The following PKP4 variants were observed in gnomAD, a reference collection of about 807,000 sequenced individuals.
PKP4 encodes plakophilin-4.
In PKP4, 90 loss-of-function variants were observed where a neutral mutation model predicts 145.1. That is an observed-to-expected ratio of 0.62 (90% CI 0.52 to 0.74). The LOEUF (loss-of-function observed/expected upper bound fraction) is 0.74, where lower values mean the gene tolerates loss of function less well. Among genes scored for constraint, PKP4 ranks in the 30% least tolerant of loss-of-function variants. The pLI, the probability that PKP4 is intolerant of heterozygous loss-of-function variation, is 0.00. For missense variants in PKP4, 1,340 were observed against 1,482.7 expected, an observed-to-expected ratio of 0.90 and a Z score of 1.58; for synonymous variants, 563 against 577.2, an observed-to-expected ratio of 0.98 and a Z score of 0.35.
intron 2 of PKP4, among the ~76,000 whole-genome samples, chr2:158,554,448 CGGA>C (rs1378444388): frequency 1.5e-5 from 2 of 136,662 alleles, no homozygotes; most frequent in East Asian, 4.6e-4. Flanking sequence ...TTTTTTGAGA[CGGA>C]GTCTAGCTCT....
chr2:158,538,036 G>A (rs956980571), intron 2 of PKP4, among the ~76,000 whole-genome samples: 4 of 152,044 alleles, frequency 2.6e-5, no homozygotes, highest in African/African-American at 7.2e-5. Flanking sequence ...AAAGAAAAAT[G>A]TGGTGCCCTC....
At chr2:158,568,346 A>C (rs1341770321) in intron 2 of PKP4, among the ~76,000 whole-genome samples, 4 of 152,144 alleles carry the variant, frequency 2.6e-5, no homozygotes, top group African/African-American at 2.4e-5. Flanking sequence ...CTACGAAAGA[A>C]AGAAAAACAC....
chr2:158,643,807 C>T (rs1393799927), intron 11 of PKP4, among the ~76,000 whole-genome samples: 2 of 152,030 alleles, frequency 1.3e-5, no homozygotes, highest in Non-Finnish European at 2.9e-5. Context: ...GCTCTGTCAC[C>T]CAGGCTGGGA....
chr2:158,587,267 A>G (rs2048880648), intron 3 of PKP4, among the ~76,000 whole-genome samples: 1 of 152,134 alleles, frequency 6.6e-6, no homozygotes, highest in Admixed American at 6.5e-5. Context: ...TAAAATATGT[A>G]TATCATGCCA....
chr2:158,463,551 T>C (rs1690115428), intron 1 of PKP4, among the ~76,000 whole-genome samples: 1 of 152,184 alleles, frequency 6.6e-6, no homozygotes, highest in Non-Finnish European at 1.5e-5. Flanking sequence ...AGGCTCTAGT[T>C]CTAGTCCTGG....
intron 8 of PKP4, chr2:158,632,571 A>G (rs1034778296): frequency 5.9e-5 from 9 of 152,100 alleles, no homozygotes; most frequent in African/African-American, 2.2e-4. Flanking sequence ...GCTGTAGCCC[A>G]TGGTGGTGTG....
chr2:158,638,211 A>C (rs1244587065), intron 9 of PKP4, among the ~76,000 whole-genome samples: 1 of 152,232 alleles, frequency 6.6e-6, no homozygotes, highest in African/African-American at 2.4e-5. Flanking sequence ...GTTACCAGGA[A>C]TTCATCTATT....
At chr2:158,603,216 C>A in intron 4 of PKP4, 112 bp downstream of exon 4, 1 of 559,244 alleles carries the variant, frequency 1.8e-6, no homozygotes, top group Non-Finnish European at 3.2e-6. Context: ...TTAATAGTGA[C>A]AATATTGCGC....
At chr2:158,494,309 AT>A (rs1225437863) in intron 1 of PKP4, among the ~76,000 whole-genome samples, 2 of 152,170 alleles carry the variant, frequency 1.3e-5, no homozygotes, top group African/African-American at 2.4e-5. Flanking sequence ...GCCCTAAAAA[AT>A]GTGACCTTTA....
intron 2 of PKP4, among the ~76,000 whole-genome samples, chr2:158,572,486 C>G (rs1034616773): frequency 2.0e-5 from 3 of 152,214 alleles, no homozygotes; most frequent in Admixed American, 6.5e-5. Context: ...CTGAAGATAT[C>G]TGGCAAATCT....
In PKP4 at chr2:158,599,889, G is replaced by A. The variant is rs2050081832; in HGVS notation, c.246-3181G>A. On this transcript the variant is annotated intron_variant, in intron 3 of 21. Coordinates refer to ENST00000389759, the MANE Select transcript of PKP4 (RefSeq NM_003628.6). ...TCTGGCTGGAGGGGATTATGAGCAG[G>A]TAATTTTCTGACTCCTAATATGGGA... 3.3e-5 allele frequency among the ~76,000 whole-genome samples: 5 copies of A among 152,104 alleles called. No individual in the cohort carries two copies. In the South Asian group the frequency reaches 1.0e-3, roughly 31 times the overall value.
intron 6 of PKP4, among the ~76,000 whole-genome samples, chr2:158,622,146 C>T (rs752930075): frequency 6.6e-6 from 1 of 152,052 alleles, no homozygotes; most frequent in Non-Finnish European, 1.5e-5. Flanking sequence ...ATGGGATTTG[C>T]CCATTCTAAC....
rs1004870182 is a variant in PKP4 at position 158,665,609 on chromosome 2, G to C, written c.2578-804G>C. Among the ~76,000 whole-genome samples the C allele has an allele frequency of 3.9e-5, 6 of 152,272 alleles. No homozygotes were observed. The South Asian group carries it at 1.2e-3, about 32-fold the overall frequency. ...AAGATGATTTGCATTGGTTGAAAAA[G>C]TCAATTAAAGCTCAAAGCTGGAAAC... On this transcript the variant is annotated intron_variant, in intron 15 of 21. Transcript: ENST00000389759.
chr2:158,461,114 A>G (rs1031202685), intron 1 of PKP4, among the ~76,000 whole-genome samples: 4 of 152,204 alleles, frequency 2.6e-5, no homozygotes, highest in African/African-American at 9.6e-5. Flanking sequence ...AGTTGCCAAG[A>G]ACAGTAATTC....
intron 4 of PKP4, among the ~76,000 whole-genome samples, chr2:158,608,586 G>A (rs1183765023): frequency 6.6e-6 from 1 of 151,894 alleles, no homozygotes; most frequent in Non-Finnish European, 1.5e-5. Flanking sequence ...TTTTTCCTTT[G>A]AGGGGAAGGA....
intron 12 of PKP4, 31 bp downstream of exon 12, chr2:158,658,345 T>G: frequency 7.4e-7 from 1 of 1,356,030 alleles, no homozygotes; most frequent in Non-Finnish European, 1.0e-6. Flanking sequence ...TTCCAGTTAA[T>G]TCTGTGATTA....
intron 11 of PKP4, among the ~76,000 whole-genome samples, chr2:158,643,728 A>AG (rs2054551149): frequency 1.4e-5 from 2 of 142,962 alleles, no homozygotes; most frequent in African/African-American, 5.0e-5. Flanking sequence ...AAAAAAAAAA[A>AG]GAAAAGAAAA....
chr2:158,516,387 C>A (rs1308215618), intron 1 of PKP4, among the ~76,000 whole-genome samples: 1 of 152,160 alleles, frequency 6.6e-6, no homozygotes, highest in African/African-American at 2.4e-5. Flanking sequence ...ACTTGCTAAC[C>A]ATAGGAACCT....
intron 1 of PKP4, among the ~76,000 whole-genome samples, chr2:158,470,402 G>A (rs570561915): frequency 6.6e-6 from 1 of 152,084 alleles, no homozygotes; most frequent in South Asian, 2.1e-4. Flanking sequence ...ATTGTTCTCT[G>A]TCTCCCTCCA....
Sources: gnomAD v4.1 joint callset for allele counts (sites outside exome capture counted in the v4.1 genomes callset) on GRCh38, gnomAD v4.1.1 for gene constraint, MANE v1.5 for transcripts, NCBI Gene and HGNC (gene_info 2026-07-23, HGNC 2026-07-21) for gene names.